The following WWC2 variants were observed in gnomAD, a reference collection of about 807,000 sequenced individuals.
The protein encoded by WWC2 is protein WWC2.
Under a neutral mutation model 138.5 loss-of-function variants are expected in WWC2, and 101 were observed. The observed-to-expected ratio is 0.73, with a 90% confidence interval of 0.62 to 0.86. The LOEUF is 0.86. Ranked by LOEUF, WWC2 falls within the 40% of genes least tolerant of loss-of-function variation. WWC2 has a pLI of 0.00. For synonymous variants in WWC2, 558 were observed against 538.4 expected (o/e 1.04, Z -0.50); for missense variants, 1,420 against 1,419.4 (o/e 1.00, Z -0.01).
intron 6 of WWC2, among the ~76,000 whole-genome samples, chr4:183,247,639 C>CTATATATAGTATATATAGTATATATAG (rs1248339694): frequency 2.1e-4 from 28 of 134,216 alleles, no homozygotes; most frequent in African/African-American, 7.6e-4. Context: ...ACTATATATA[C>CTATATATAGTATATATAGTATATATAG]TATATATACT....
Position 183,099,491 on chromosome 4 carries a change from C to A in WWC2, c.-1C>A. 7.6e-7 allele frequency: 1 copy of A among 1,320,882 alleles called. No homozygotes were observed. Among genetic ancestry groups the A allele is most frequent in the Non-Finnish European group, 9.8e-7 (1 of 1,024,340 alleles). The allele number at this position is 1,320,882 out of a possible 1,614,324, so 81.8% of individuals were successfully genotyped here. ...GCCGCTCGCCGGCGAGGCCGCCGAC[C>A]ATGCCTAGGAGGGCCGGGAGCGGTC... On this transcript the variant is annotated 5_prime_UTR_variant, in exon 1 of 23. Transcript: ENST00000403733.
chr4:183,220,726 C>T lies in WWC2; in HGVS notation c.522+11701C>T, dbSNP rs566896813. Among the ~76,000 whole-genome samples the T allele has an allele frequency of 3.3e-5, 5 of 151,656 alleles. No individual in the cohort carries two copies. In the South Asian group the frequency reaches 6.3e-4, roughly 19 times the overall value. On this transcript the variant is annotated intron_variant, in intron 4 of 22. Coordinates refer to ENST00000403733, the MANE Select transcript of WWC2 (RefSeq NM_024949.6). ...GCGGGCGCCTGTAGTCCCAGCTACTCGGGAGGCTGAGCCAGGAGAATGGCG... is the reference window on the plus strand; with the variant it reads ...GCGGGCGCCTGTAGTCCCAGCTACTTGGGAGGCTGAGCCAGGAGAATGGCG...
chr4:183,193,677 G>C lies in WWC2; in HGVS notation c.210G>C (p.Gln70His). ...PWGWEAGFDP[Q>H]IGVYYIDHIN... ...GATGGGAAGCAGGGTTTGACCCTCA[G>C]ATTGGTGTCTACTACATCGATCACA... Residue 70 changes from glutamine to histidine, a missense_variant, in exon 2 of 23, where the codon CAG becomes CAC. Coordinates refer to ENST00000403733, the MANE Select transcript of WWC2 (RefSeq NM_024949.6). 6.2e-7 allele frequency: 1 copy of C among 1,613,828 alleles called. No individual in the cohort carries two copies. Among genetic ancestry groups the C allele is most frequent in the Non-Finnish European group, 8.5e-7 (1 of 1,179,838 alleles).
At chr4:183,289,136 CTG>C (rs1738350057) in intron 20 of WWC2, among the ~76,000 whole-genome samples, 1 of 152,246 alleles carries the variant, frequency 6.6e-6, no homozygotes, top group Non-Finnish European at 1.5e-5. Context: ...GAGCCTCCCT[CTG>C]TGGTTCTTTG....
intron 17 of WWC2, 80 bp from the exon 18 acceptor site, chr4:183,282,628 T>G: frequency 7.2e-7 from 1 of 1,381,044 alleles, no homozygotes; most frequent in African/African-American, 1.4e-5. Context: ...ATTTCCCAGA[T>G]AACAACTTAG....
intron 6 of WWC2, among the ~76,000 whole-genome samples, chr4:183,248,249 C>G (rs1055069339): frequency 6.6e-6 from 1 of 152,190 alleles, no homozygotes; most frequent in African/African-American, 2.4e-5. Flanking sequence ...GCTAAATAAT[C>G]TCTTGGGTCC....
intron 2 of WWC2, among the ~76,000 whole-genome samples, chr4:183,207,001 C>T (rs1055462067): frequency 6.6e-6 from 1 of 152,170 alleles, no homozygotes. Context: ...TGAGCATAAG[C>T]TGCCATGGAA....
chr4:183,319,788 G>A lies in WWC2; in HGVS notation c.*4059G>A, dbSNP rs568140195. 26 of 1,614,038 alleles carry A rather than the reference G, an allele frequency of 1.6e-5. No individual in the cohort carries two copies. The highest frequency in any genetic ancestry group is 6.7e-5 in the East Asian group (3 of 44,890). On this transcript the variant is annotated 3_prime_UTR_variant, in exon 23 of 23. Coordinates refer to ENST00000403733, the MANE Select transcript of WWC2 (RefSeq NM_024949.6). ...GTTCTCATCCCAGAACTCCTGAACC[G>A]TCTTGTGGGCAACCCAAGAGACGGG...
intron 1 of WWC2, among the ~76,000 whole-genome samples, chr4:183,171,549 G>A (rs1734279703): frequency 1.3e-5 from 2 of 152,136 alleles, no homozygotes; most frequent in African/African-American, 2.4e-5. Context: ...AATAAACATG[G>A]TAGGGAAACT....
At chr4:183,203,781 C>T (rs191233657) in intron 2 of WWC2, among the ~76,000 whole-genome samples, 89 of 152,242 alleles carry the variant, frequency 5.8e-4, no homozygotes, top group Non-Finnish European at 9.9e-4. Flanking sequence ...TAGAACTTGC[C>T]GTTACATTTC....
intron 4 of WWC2, 101 bp downstream of exon 4, chr4:183,209,126 A>G: frequency 2.6e-6 from 2 of 780,096 alleles, no homozygotes; most frequent in Non-Finnish European, 2.1e-6. Flanking sequence ...CATTTGGTGT[A>G]GAAAACTCCT....
At position 183,141,571 on chromosome 4, in the gene WWC2, C is replaced by A. The variant is rs547215088; in HGVS notation, c.131+41949C>A. On this transcript the variant is annotated intron_variant, in intron 1 of 22. Transcript: ENST00000403733. The stretch of plus-strand genomic sequence containing the variant: ...GCCGAGATGATTTCTCTAGTATCTT[C>A]TAATGAGTGTCAGTTAAAAATTATT... Among the ~76,000 whole-genome samples the A allele has an allele frequency of 1.4e-3, 216 of 152,268 alleles. 3 individuals are homozygous for A. The highest frequency in any genetic ancestry group is 2.3e-3 in the Non-Finnish European group (154 of 68,022).
At position 183,299,097 on chromosome 4, in the gene WWC2, AG is replaced by A. The variant is rs553172405; in HGVS notation, c.3384+9463del. 1.4e-3 allele frequency among the ~76,000 whole-genome samples: 210 copies of A among 152,336 alleles called. 2 individuals carry two copies. Among genetic ancestry groups the A allele is most frequent in the Admixed American group, 2.5e-3 (39 of 15,302 alleles). ...ACAGTTCGGGAGGCTGGAAAGTCCA[AG>A]ATCCAGAGGCTGCAGCTGGCAAGGC... On this transcript the variant is annotated intron_variant, in intron 21 of 22. Coordinates refer to ENST00000403733, the MANE Select transcript of WWC2 (RefSeq NM_024949.6).
intron 5 of WWC2, among the ~76,000 whole-genome samples, chr4:183,241,603 T>G (rs1427604531): frequency 6.6e-6 from 1 of 152,134 alleles, no homozygotes; most frequent in Non-Finnish European, 1.5e-5. Context: ...CTTAGAAAAA[T>G]AATGTTTCTA....
At chr4:183,211,366 A>G (rs1035471331) in intron 4 of WWC2, among the ~76,000 whole-genome samples, 4 of 152,166 alleles carry the variant, frequency 2.6e-5, no homozygotes, top group East Asian at 1.9e-4. Context: ...TTATTTTTCA[A>G]TTGTTTCTAG....
At chr4:183,258,887 T>C (rs1464557546) in intron 9 of WWC2, among the ~76,000 whole-genome samples, 1 of 152,228 alleles carries the variant, frequency 6.6e-6, no homozygotes, top group Non-Finnish European at 1.5e-5. Flanking sequence ...CACAGACTCT[T>C]AGTTGCATAA....
At chr4:183,238,855 G>C (rs1274895962) in intron 4 of WWC2, among the ~76,000 whole-genome samples, 2 of 152,110 alleles carry the variant, frequency 1.3e-5, no homozygotes. Context: ...GCTGCTCCAT[G>C]GTCTGTAAGA....
In WWC2 at chr4:183,315,742, A is replaced by C; in HGVS notation, c.*13A>C. ...TGATGATGTGTGATTACATGACTTA[A>C]GAAATTATTTTTTCATCTGTTCACT... is the stretch of plus-strand genomic sequence containing the variant. On this transcript the variant is annotated 3_prime_UTR_variant, in exon 23 of 23. Transcript: ENST00000403733. 1.2e-6 allele frequency: 2 copies of C among 1,604,770 alleles called. No individual in the cohort carries two copies. The highest frequency in any genetic ancestry group is 1.7e-6 in the Non-Finnish European group (2 of 1,173,608).
rs1170269900 is a variant in WWC2 at position 183,124,736 on chromosome 4, C to T, written c.131+25114C>T. ...TCCCGAGTAGCTGAGATTACAGGCACGCGCCACCATGCCCGGCTAATTTTT... is the reference window on the plus strand; with the variant it reads ...TCCCGAGTAGCTGAGATTACAGGCATGCGCCACCATGCCCGGCTAATTTTT... On this transcript the variant is annotated intron_variant, in intron 1 of 22. Coordinates refer to ENST00000403733, the MANE Select transcript of WWC2 (RefSeq NM_024949.6). Among the ~76,000 whole-genome samples, 7 of 151,708 alleles carry T rather than the reference C, an allele frequency of 4.6e-5. No individual in the cohort carries two copies. In the South Asian group the frequency reaches 6.3e-4, roughly 14 times the overall value.
Sources: gnomAD v4.1 joint callset for allele counts (sites outside exome capture counted in the v4.1 genomes callset) on GRCh38, gnomAD v4.1.1 for gene constraint, MANE v1.5 for transcripts, NCBI Gene and HGNC (gene_info 2026-07-23, HGNC 2026-07-21) for gene names.